The following MYO1D variants were observed in gnomAD, a reference collection of about 807,000 sequenced individuals.
MYO1D encodes the protein unconventional myosin-Id.
Under a neutral mutation model 122.0 loss-of-function variants are expected in MYO1D, and 83 were observed. The ratio of observed to expected loss-of-function variants is 0.68; its 90% CI spans 0.57 to 0.82. The LOEUF is 0.82. MYO1D is among the 40% of genes least tolerant of loss of function. The pLI is 0.00. For missense variants in MYO1D, 1,157 were observed against 1,269.5 expected (o/e 0.91, Z 1.35); for synonymous variants, 464 against 446.9 (o/e 1.04, Z -0.48).
chr17:32,829,500 C>A (rs2090752982), intron 1 of MYO1D, among the ~76,000 whole-genome samples: 1 of 152,346 alleles, frequency 6.6e-6, no homozygotes, highest in Middle Eastern at 3.4e-3. Context: ...GTCACCCAGG[C>A]TGGAGCACAG....
chr17:32,527,638 A>G (rs1261446966), intron 21 of MYO1D, among the ~76,000 whole-genome samples: 1 of 143,166 alleles, frequency 7.0e-6, no homozygotes, highest in Admixed American at 6.9e-5. Context: ...ACTAAAAATA[A>G]GATAAAAAAA....
At chr17:32,540,327 C>CAAAAAAA (rs34076937) in intron 21 of MYO1D, among the ~76,000 whole-genome samples, 10 of 69,720 alleles carry the variant, frequency 1.4e-4, no homozygotes, top group Middle Eastern at 0.012. Context: ...GAGACTATCT[C>CAAAAAAA]AAAAAAAAAA....
chr17:32,755,049 T>C (rs775126797), intron 11 of MYO1D, among the ~76,000 whole-genome samples: 2 of 152,252 alleles, frequency 1.3e-5, no homozygotes, highest in Non-Finnish European at 2.9e-5. Context: ...GGAAGTCATA[T>C]GATCTGAAGA....
intron 20 of MYO1D, among the ~76,000 whole-genome samples, chr17:32,637,022 A>G (rs1024624741): frequency 8.5e-5 from 13 of 152,192 alleles, no homozygotes; most frequent in East Asian, 3.8e-4. Context: ...TGATGTCATG[A>G]TATTATTAAT....
intron 1 of MYO1D, among the ~76,000 whole-genome samples, chr17:32,836,918 C>T (rs1026357497): frequency 1.3e-5 from 2 of 152,018 alleles, no homozygotes; most frequent in Non-Finnish European, 1.5e-5. Context: ...GGAGTTAAAT[C>T]GCTAGGTCAT....
chr17:32,520,242 C>T (rs1288248407), intron 21 of MYO1D, among the ~76,000 whole-genome samples: 1 of 152,144 alleles, frequency 6.6e-6, no homozygotes, highest in Non-Finnish European at 1.5e-5. Context: ...ACTGCTGAGC[C>T]CCGGGACCTG....
intron 20 of MYO1D, among the ~76,000 whole-genome samples, chr17:32,611,127 G>A (rs115718553): frequency 0.012 from 1,844 of 152,136 alleles, 38 homozygotes; most frequent in African/African-American, 0.039. Flanking sequence ...AGAGGAGGCC[G>A]GCCTGAGAAA....
intron 16 of MYO1D, among the ~76,000 whole-genome samples, chr17:32,660,983 C>G (rs2088557404): frequency 6.6e-6 from 1 of 152,176 alleles, no homozygotes; most frequent in Middle Eastern, 3.4e-3. Flanking sequence ...TTTAAGACTC[C>G]TTGGAGCCAC....
At chr17:32,681,092 G>A (rs1160931722) in intron 16 of MYO1D, among the ~76,000 whole-genome samples, 1 of 151,972 alleles carries the variant, frequency 6.6e-6, no homozygotes, top group African/African-American at 2.4e-5. Flanking sequence ...GGGATTGGTG[G>A]TGATATCCCC....
intron 1 of MYO1D, among the ~76,000 whole-genome samples, chr17:32,857,969 A>C (rs1043139418): frequency 6.6e-6 from 1 of 152,216 alleles, no homozygotes; most frequent in Non-Finnish European, 1.5e-5. Context: ...GTTTCTAGCA[A>C]AAAGCTTTAA....
chr17:32,513,355 C>G (rs978503624), intron 21 of MYO1D, among the ~76,000 whole-genome samples: 6 of 152,130 alleles, frequency 3.9e-5, no homozygotes, highest in African/African-American at 1.2e-4. Flanking sequence ...AACGTGGCGA[C>G]TGGCTGAATG....
chr17:32,843,401 A>C (rs1326878209), intron 1 of MYO1D, among the ~76,000 whole-genome samples: 1 of 152,220 alleles, frequency 6.6e-6, no homozygotes, highest in Non-Finnish European at 1.5e-5. Context: ...AAAAATAGAG[A>C]AGTGTGCTTA....
chr17:32,697,768 G>C (rs951697152), intron 16 of MYO1D, among the ~76,000 whole-genome samples: 1 of 152,112 alleles, frequency 6.6e-6, no homozygotes, highest in Non-Finnish European at 1.5e-5. Context: ...ACTTGACAGT[G>C]AATAACTCAG....
At chr17:32,827,616 ATGTT>A (rs2151062896) in intron 1 of MYO1D, among the ~76,000 whole-genome samples, 1 of 152,350 alleles carries the variant, frequency 6.6e-6, no homozygotes, top group Admixed American at 6.5e-5. Flanking sequence ...TTTGTAAAAA[ATGTT>A]TGTATTTATT....
intron 21 of MYO1D, among the ~76,000 whole-genome samples, chr17:32,533,799 G>C (rs1488105651): frequency 6.6e-6 from 1 of 151,626 alleles, no homozygotes; most frequent in Non-Finnish European, 1.5e-5. Context: ...TTCTTTGCCC[G>C]TACCCTATTT....
chr17:32,869,772 A>T (rs1339761816), intron 1 of MYO1D, among the ~76,000 whole-genome samples: 1 of 146,108 alleles, frequency 6.8e-6, no homozygotes, highest in East Asian at 2.0e-4. Context: ...GTTCCCAAAT[A>T]AAAAAAAAAA....
chr17:32,828,599 T>C (rs1267853277), intron 1 of MYO1D, among the ~76,000 whole-genome samples: 1 of 151,560 alleles, frequency 6.6e-6, no homozygotes, highest in African/African-American at 2.4e-5. Context: ...GAGCAGGCTC[T>C]GGCCAAGTAT....
At chr17:32,592,525 T>C (rs1460791328) in intron 21 of MYO1D, among the ~76,000 whole-genome samples, 1 of 152,224 alleles carries the variant, frequency 6.6e-6, no homozygotes, top group Non-Finnish European at 1.5e-5. Flanking sequence ...TTTAGTCAAT[T>C]TGGTATTTAC....
chr17:32,818,860 T>A (rs2090636428), intron 1 of MYO1D, among the ~76,000 whole-genome samples: 1 of 152,202 alleles, frequency 6.6e-6, no homozygotes, highest in Non-Finnish European at 1.5e-5. Context: ...TTAAAATCCT[T>A]TTCACCTACA....
Sources: gnomAD v4.1 joint callset for allele counts (sites outside exome capture counted in the v4.1 genomes callset) on GRCh38, gnomAD v4.1.1 for gene constraint, MANE v1.5 for transcripts, NCBI Gene and HGNC (gene_info 2026-07-23, HGNC 2026-07-21) for gene names.